BAIAP2: variants seen among roughly 807,000 people sequenced by gnomAD.
BAIAP2 encodes the protein BAR/IMD domain-containing adapter protein 2.
Under a neutral mutation model 63.0 loss-of-function variants are expected in BAIAP2, and 18 were observed. The ratio of observed to expected loss-of-function variants is 0.29; its 90% CI spans 0.20 to 0.42. The LOEUF (loss-of-function observed/expected upper bound fraction) is 0.42. Ranked by LOEUF, BAIAP2 falls within the 10% of genes least tolerant of loss-of-function variation. The pLI, the probability that BAIAP2 is intolerant of heterozygous loss-of-function variation, is 1.00. For synonymous variants in BAIAP2, 386 were observed against 307.6 expected, an observed-to-expected ratio of 1.25 and a Z score of -2.67; for missense variants, 610 against 734.3, an observed-to-expected ratio of 0.83 and a Z score of 1.96.
intron 9 of BAIAP2, 59 bp from the exon 10 acceptor site, chr17:81,104,455 T>C: frequency 6.6e-7 from 1 of 1,521,458 alleles, no homozygotes; most frequent in Admixed American, 1.9e-5. Context: ...CCAGACTCCC[T>C]GGGCTTTGCT....
At chr17:81,039,043 G>A (rs2046717769) in intron 1 of BAIAP2, among the ~76,000 whole-genome samples, 1 of 152,246 alleles carries the variant, frequency 6.6e-6, no homozygotes. Flanking sequence ...TCCTGGGGTG[G>A]CCCCCATGGG....
At chr17:81,055,077 C>T (rs551862605) in intron 2 of BAIAP2, among the ~76,000 whole-genome samples, 19 of 152,316 alleles carry the variant, frequency 1.2e-4, no homozygotes, top group African/African-American at 3.4e-4. Context: ...CCGGCGCCCC[C>T]GGCTCCTCCA....
At chr17:81,074,620 C>CCT (rs1378490953) in intron 3 of BAIAP2, among the ~76,000 whole-genome samples, 3 of 139,968 alleles carry the variant, frequency 2.1e-5, no homozygotes, top group African/African-American at 8.3e-5. Flanking sequence ...TGCGTGAGTG[C>CCT]CTGTGTGCGT....
At chr17:81,076,965 T>C (rs2053764041) in intron 3 of BAIAP2, among the ~76,000 whole-genome samples, 1 of 152,122 alleles carries the variant, frequency 6.6e-6, no homozygotes, top group Non-Finnish European at 1.5e-5. Context: ...GTGAGACCCC[T>C]GGCTCTAAAA....
chr17:81,100,200 C>T (rs558517255), intron 7 of BAIAP2, 120 bp downstream of exon 7: 7 of 1,323,166 alleles, frequency 5.3e-6, no homozygotes, highest in South Asian at 3.4e-5. Context: ...CTCGAACTCT[C>T]GTTTATTTCG....
At chr17:81,104,300 G>C (rs532554579) in intron 9 of BAIAP2, among the ~76,000 whole-genome samples, 192 bp downstream of exon 9, 1 of 152,304 alleles carries the variant, frequency 6.6e-6, no homozygotes, top group African/African-American at 2.4e-5. Context: ...TCAAGCCTCT[G>C]GTGCTCAGTG....
chr17:81,103,786 CG>C, intron 8 of BAIAP2, 63 bp downstream of exon 8: 7 of 1,561,944 alleles, frequency 4.5e-6, no homozygotes, highest in South Asian at 1.1e-5. Flanking sequence ...GTTGTCAGGG[CG>C]GGGGGCCGCC....
At chr17:81,110,848 C>G in intron 13 of BAIAP2, 1 of 1,601,684 alleles carries the variant, frequency 6.2e-7, no homozygotes, top group East Asian at 2.2e-5. Flanking sequence ...GTGGTCCCCC[C>G]TCCTCTGCAC....
At chr17:81,106,567 G>A (rs1022803578) in intron 11 of BAIAP2, among the ~76,000 whole-genome samples, 178 bp from the exon 12 acceptor site, 2 of 152,228 alleles carry the variant, frequency 1.3e-5, no homozygotes, top group South Asian at 2.1e-4. Context: ...GCCAGGAGGA[G>A]GAAGGGAGGC....
At chr17:81,093,570 T>G (rs1451668170) in intron 6 of BAIAP2, among the ~76,000 whole-genome samples, 4 of 151,912 alleles carry the variant, frequency 2.6e-5, no homozygotes, top group African/African-American at 4.8e-5. Flanking sequence ...CCATGGGGGC[T>G]CCGTAGCACC....
At chr17:81,075,527 G>A (rs555626930) in intron 3 of BAIAP2, among the ~76,000 whole-genome samples, 4 of 152,304 alleles carry the variant, frequency 2.6e-5, no homozygotes, top group South Asian at 2.1e-4. Flanking sequence ...AATCCTTCTC[G>A]TTCATCTGCT....
chr17:81,102,165 G>A (rs2058581606), intron 7 of BAIAP2, among the ~76,000 whole-genome samples: 1 of 118,106 alleles, frequency 8.5e-6, no homozygotes, highest in Non-Finnish European at 1.9e-5. Context: ...TTAGAGACGA[G>A]CCTCTGGGCT....
intron 7 of BAIAP2, 52 bp from the exon 8 acceptor site, chr17:81,103,450 G>A: frequency 6.7e-7 from 1 of 1,498,708 alleles, no homozygotes; most frequent in East Asian, 2.5e-5. Flanking sequence ...GTGCCTGGCT[G>A]CAGGAGACTG....
At position 81,115,902 on chromosome 17, in the gene BAIAP2, T is replaced by C; in HGVS notation, c.*63T>C. ...CCCGCCCTTCCCATGTAGCCTGTTCTGTCATCATCTGTGCGTTCCTGTGTA... is the reference window on the plus strand; with the variant it reads ...CCCGCCCTTCCCATGTAGCCTGTTCCGTCATCATCTGTGCGTTCCTGTGTA... On this transcript the variant is annotated 3_prime_UTR_variant, in exon 14 of 14. Transcript: ENST00000428708. The C allele has an allele frequency of 6.2e-7, 1 of 1,601,420 alleles. No homozygotes were observed. Among genetic ancestry groups the C allele is most frequent in the South Asian group, 1.1e-5 (1 of 90,610 alleles).
intron 6 of BAIAP2, among the ~76,000 whole-genome samples, chr17:81,098,795 C>T (rs867112637): frequency 7.9e-5 from 12 of 152,336 alleles, no homozygotes; most frequent in Middle Eastern, 3.4e-3. Flanking sequence ...GGGCCACAGA[C>T]GCAAGGGCTG....
At chr17:81,101,645 A>ACG (rs770213818) in intron 7 of BAIAP2, among the ~76,000 whole-genome samples, 84 of 152,248 alleles carry the variant, frequency 5.5e-4, no homozygotes, top group South Asian at 1.0e-3. Context: ...GCACACACAC[A>ACG]CACACGCACG....
At chr17:81,049,213 T>G (rs2048294351) in intron 1 of BAIAP2, among the ~76,000 whole-genome samples, 1 of 152,172 alleles carries the variant, frequency 6.6e-6, no homozygotes, top group South Asian at 2.1e-4. Context: ...TGGTGTAGGA[T>G]TTCTGTCCTG....
chr17:81,042,344 T>G (rs1466965529), intron 1 of BAIAP2, among the ~76,000 whole-genome samples: 2 of 151,354 alleles, frequency 1.3e-5, no homozygotes, highest in Non-Finnish European at 2.9e-5. Context: ...TTGGTAGAGA[T>G]GAGGTCTTGC....
At chr17:81,102,075 C>T (rs936321177) in intron 7 of BAIAP2, among the ~76,000 whole-genome samples, 12 of 151,266 alleles carry the variant, frequency 7.9e-5, no homozygotes, top group African/African-American at 2.9e-4. Context: ...GCGGGATGTG[C>T]CTGCGGTGGC....
Sources: gnomAD v4.1 joint callset for allele counts (sites outside exome capture counted in the v4.1 genomes callset) on GRCh38, gnomAD v4.1.1 for gene constraint, MANE v1.5 for transcripts, NCBI Gene and HGNC (gene_info 2026-07-23, HGNC 2026-07-21) for gene names.